Variants in CORO2B observed in about 807,000 individuals in gnomAD.
CORO2B encodes the protein coronin 2B.
CORO2B carries 26 observed loss-of-function variants against 58.8 expected under a neutral mutation model. The ratio of observed to expected loss-of-function variants is 0.44; its 90% CI spans 0.32 to 0.61. CORO2B has a LOEUF of 0.61. Among genes scored for constraint, CORO2B ranks in the 20% least tolerant of loss-of-function variants. CORO2B has a pLI of 0.04. For synonymous variants in CORO2B, 242 were observed against 253.8 expected (o/e 0.95, Z 0.44); for missense variants, 460 against 645.1 (o/e 0.71, Z 3.11).
intron 1 of CORO2B, among the ~76,000 whole-genome samples, chr15:68,638,793 C>T (rs1406923543): frequency 6.6e-6 from 1 of 152,172 alleles, no homozygotes; most frequent in Admixed American, 6.5e-5. Flanking sequence ...GATTGTAGCA[C>T]CTGCCTAGTT....
chr15:68,526,257 G>A, the CORO2B span, among the ~76,000 whole-genome samples: 1 of 152,098 alleles, frequency 6.6e-6, no homozygotes, highest in South Asian at 2.1e-4. Flanking sequence ...ATATAGACAC[G>A]TTTTCATTTC....
chr15:68,618,184 G>T (rs190612146), intron 1 of CORO2B, among the ~76,000 whole-genome samples: 1 of 152,010 alleles, frequency 6.6e-6, no homozygotes, highest in Non-Finnish European at 1.5e-5. Flanking sequence ...AAAACCAAAG[G>T]TCATGATATG....
At chr15:68,659,250 C>T (rs1356064683) in intron 2 of CORO2B, among the ~76,000 whole-genome samples, 2 of 152,118 alleles carry the variant, frequency 1.3e-5, no homozygotes, top group East Asian at 3.9e-4. Context: ...GGGATAAGGG[C>T]GCTGACCCCT....
At chr15:68,642,805 A>T (rs10775198) in intron 1 of CORO2B, among the ~76,000 whole-genome samples, 1 of 152,144 alleles carries the variant, frequency 6.6e-6, no homozygotes, top group South Asian at 2.1e-4. Flanking sequence ...AGAGTGAGTC[A>T]GGCCTTAAAG....
the CORO2B span, among the ~76,000 whole-genome samples, chr15:68,521,487 A>G: frequency 1.3e-5 from 2 of 152,184 alleles, no homozygotes; most frequent in Non-Finnish European, 2.9e-5. Flanking sequence ...GTTTATTTAG[A>G]TGTACCCACA....
At chr15:68,523,546 C>T in the CORO2B span, among the ~76,000 whole-genome samples, 1 of 152,322 alleles carries the variant, frequency 6.6e-6, no homozygotes, top group Non-Finnish European at 1.5e-5. Flanking sequence ...TTCCCAACTA[C>T]CTTTTGTTTA....
intron 1 of CORO2B, among the ~76,000 whole-genome samples, chr15:68,640,533 G>C (rs903328761): frequency 4.6e-5 from 7 of 151,770 alleles, no homozygotes; most frequent in African/African-American, 1.7e-4. Context: ...AAAGGTGATA[G>C]GAGTATTGTA....
Position 68,623,432 on chromosome 15 carries a change from T to A in CORO2B, c.16-21728T>A, listed in dbSNP as rs1404626602. 2.0e-5 allele frequency among the ~76,000 whole-genome samples: 3 copies of A among 152,136 alleles called. No individual in the cohort carries two copies. The East Asian group carries it at 5.8e-4, about 29-fold the overall frequency. ...TGTCCATGCATGTGGAAGCCTGACG[T>A]GAGTGACAGCCAGTCTGGCCCACCC... On this transcript the variant is annotated intron_variant, in intron 1 of 11. Transcript: ENST00000261861.
intron 3 of CORO2B, among the ~76,000 whole-genome samples, chr15:68,698,950 A>T (rs922475740): frequency 2.6e-5 from 4 of 152,070 alleles, no homozygotes; most frequent in Admixed American, 2.6e-4. Context: ...GCACACAGAG[A>T]AGAGAGAGAG....
the CORO2B span, among the ~76,000 whole-genome samples, chr15:68,553,612 C>T: frequency 6.6e-6 from 1 of 152,224 alleles, no homozygotes; most frequent in African/African-American, 2.4e-5. Context: ...TTTAAACCAC[C>T]ACATGTGTGG....
chr15:68,638,566 T>A (rs1334874761), intron 1 of CORO2B, among the ~76,000 whole-genome samples: 2 of 152,198 alleles, frequency 1.3e-5, no homozygotes, highest in Non-Finnish European at 2.9e-5. Flanking sequence ...CACTTTTGTG[T>A]AGGGCCCTGT....
intron 2 of CORO2B, among the ~76,000 whole-genome samples, chr15:68,660,091 C>T (rs1456716161): frequency 2.6e-5 from 4 of 152,186 alleles, no homozygotes; most frequent in African/African-American, 9.7e-5. Flanking sequence ...TAATTTCTGT[C>T]TGGCTTTTTC....
At chr15:68,640,641 A>G (rs1486981955) in intron 1 of CORO2B, among the ~76,000 whole-genome samples, 4 of 152,142 alleles carry the variant, frequency 2.6e-5, no homozygotes, top group Non-Finnish European at 5.9e-5. Context: ...TGTAAAAGGC[A>G]TTGGGGGGAA....
At chr15:68,521,733 C>T in the CORO2B span, among the ~76,000 whole-genome samples, 1 of 151,576 alleles carries the variant, frequency 6.6e-6, no homozygotes, top group Admixed American at 6.6e-5. Context: ...TGTGTCTTTT[C>T]ACTATATACT....
intron 3 of CORO2B, among the ~76,000 whole-genome samples, chr15:68,702,930 G>A (rs1489221506): frequency 6.9e-6 from 1 of 145,542 alleles, no homozygotes; most frequent in Non-Finnish European, 1.5e-5. Flanking sequence ...GAGTTCAAGC[G>A]ATTCTCATGC....
intron 11 of CORO2B, among the ~76,000 whole-genome samples, chr15:68,722,487 G>A (rs774747886): frequency 1.4e-4 from 21 of 152,202 alleles, no homozygotes; most frequent in Non-Finnish European, 2.4e-4. Flanking sequence ...AAAGTCCTAC[G>A]ATTGTACAAC....
At chr15:68,575,577 G>GCCCA (rs1555409336), upstream of CORO2B, among the ~76,000 whole-genome samples, 2 of 38,752 alleles carry the variant, frequency 5.2e-5, 1 homozygote, top group Admixed American at 9.5e-4. Flanking sequence ...CTTGTGATCT[G>GCCCA]CCCCCGCCTC....
At chr15:68,656,151 C>T (rs1901795249) in intron 2 of CORO2B, among the ~76,000 whole-genome samples, 1 of 121,878 alleles carries the variant, frequency 8.2e-6, no homozygotes, top group African/African-American at 3.4e-5. Flanking sequence ...CCCACCCCTC[C>T]CCCTCCCCCT....
the CORO2B span, among the ~76,000 whole-genome samples, chr15:68,545,291 T>G: frequency 5.5e-4 from 84 of 152,318 alleles, no homozygotes; most frequent in Admixed American, 1.0e-3. Flanking sequence ...TTTCACTTTT[T>G]AATTTGTATT....
Sources: allele counts gnomAD v4.1 joint callset (sites outside exome capture counted in the v4.1 genomes callset), GRCh38; gene constraint gnomAD v4.1.1; transcripts MANE v1.5; gene names NCBI Gene and HGNC (gene_info 2026-07-23, HGNC 2026-07-21).